ZNF804B: variants seen among roughly 807,000 people sequenced by gnomAD.
ZNF804B encodes zinc finger protein 804B, also known as zinc finger 804B.
A neutral mutation model predicts 101.4 loss-of-function variants in ZNF804B; 80 were observed. The ratio of observed to expected loss-of-function variants is 0.79; its 90% CI spans 0.66 to 0.95. ZNF804B has a LOEUF of 0.95. ZNF804B is among the 40% of genes least tolerant of loss of function. The pLI, the probability that ZNF804B is intolerant of heterozygous loss-of-function variation, is 0.00. For missense variants in ZNF804B, 1,673 were observed against 1,561.9 expected (o/e 1.07, Z -1.20); for synonymous variants, 622 against 558.8 (o/e 1.11, Z -1.59).
chr7:88,977,183 C>T (rs1267817920), intron 1 of ZNF804B, among the ~76,000 whole-genome samples: 2 of 145,744 alleles, frequency 1.4e-5, no homozygotes, highest in Non-Finnish European at 3.1e-5. Context: ...GGGATATTGG[C>T]CCATAAATTC....
At chr7:88,969,001 TTCTCTC>T (rs753008842) in intron 1 of ZNF804B, among the ~76,000 whole-genome samples, 2 of 151,596 alleles carry the variant, frequency 1.3e-5, no homozygotes, top group Non-Finnish European at 3.0e-5. Flanking sequence ...AGTAATTACT[TTCTCTC>T]TGTCAACTGA....
rs143904888 is a variant in ZNF804B at position 89,179,379 on chromosome 7, G to C, written c.109-38776G>C. On this transcript the variant is annotated intron_variant, in intron 1 of 3. Transcript: ENST00000333190. ...TTTTGTCTCCTCCGACTGTCTTTAA[G>C]CTCACTATTTCTTTCTTCTGTTAAA... 6.3e-3 allele frequency among the ~76,000 whole-genome samples: 957 copies of C among 151,574 alleles called. 18 individuals carry two copies. In the East Asian group the frequency reaches 0.084, roughly 13 times the overall value.
chr7:88,821,124 A>G (rs576807806), intron 1 of ZNF804B, among the ~76,000 whole-genome samples: 2 of 152,300 alleles, frequency 1.3e-5, no homozygotes, highest in East Asian at 3.9e-4. Context: ...CTTAAAATAT[A>G]CAAACATATC....
At chr7:89,105,853 G>C (rs1035520357) in intron 1 of ZNF804B, among the ~76,000 whole-genome samples, 2 of 152,104 alleles carry the variant, frequency 1.3e-5, no homozygotes, top group Non-Finnish European at 2.9e-5. Flanking sequence ...GGGTTCCCAT[G>C]ACCCCTTTGT....
chr7:89,266,199 G>C (rs1441150912), intron 2 of ZNF804B, among the ~76,000 whole-genome samples: 1 of 152,088 alleles, frequency 6.6e-6, no homozygotes, highest in Non-Finnish European at 1.5e-5. Context: ...CACCAGAACA[G>C]CTGCCCTAAC....
At chr7:89,022,981 T>A (rs1199553471) in intron 1 of ZNF804B, among the ~76,000 whole-genome samples, 1 of 152,188 alleles carries the variant, frequency 6.6e-6, no homozygotes, top group Non-Finnish European at 1.5e-5. Context: ...TTTCACAGGA[T>A]TTTGTCATTA....
intron 2 of ZNF804B, among the ~76,000 whole-genome samples, chr7:89,236,316 C>T (rs964589543): frequency 3.3e-5 from 5 of 151,924 alleles, no homozygotes; most frequent in East Asian, 1.9e-4. Context: ...ATTCCTAGAG[C>T]GGTGAGGTGA....
intron 1 of ZNF804B, among the ~76,000 whole-genome samples, chr7:89,194,899 T>A (rs549383198): frequency 1.3e-5 from 2 of 152,124 alleles, no homozygotes; most frequent in Non-Finnish European, 2.9e-5. Context: ...TAAATTACCT[T>A]GGGCAGTATG....
At chr7:88,783,319 G>A (rs1485346566) in intron 1 of ZNF804B, among the ~76,000 whole-genome samples, 4 of 152,240 alleles carry the variant, frequency 2.6e-5, no homozygotes, top group Non-Finnish European at 5.9e-5. Flanking sequence ...CAGTAGAAGT[G>A]TAGTCCTGAT....
intron 1 of ZNF804B, among the ~76,000 whole-genome samples, chr7:89,170,096 T>C (rs998131278): frequency 2.0e-5 from 3 of 152,158 alleles, no homozygotes; most frequent in Non-Finnish European, 2.9e-5. Flanking sequence ...TGTGGAATAG[T>C]TATTTAGAAG....
intron 1 of ZNF804B, among the ~76,000 whole-genome samples, chr7:88,779,213 C>T (rs1452130400): frequency 6.6e-6 from 1 of 152,088 alleles, no homozygotes; most frequent in Non-Finnish European, 1.5e-5. Context: ...GATTTTAGGC[C>T]CCCACACTAG....
chr7:89,156,004 T>TTTCG (rs1330249022), intron 1 of ZNF804B, among the ~76,000 whole-genome samples: 1 of 127,086 alleles, frequency 7.9e-6, no homozygotes, highest in Non-Finnish European at 1.8e-5. Flanking sequence ...TCTTTCTTTC[T>TTTCG]TTCTTTCTCT....
At chr7:89,267,951 C>G (rs1789825725) in intron 2 of ZNF804B, among the ~76,000 whole-genome samples, 1 of 151,998 alleles carries the variant, frequency 6.6e-6, no homozygotes, top group Non-Finnish European at 1.5e-5. Flanking sequence ...ATGAAATTCA[C>G]TGTCTTCAAT....
intron 2 of ZNF804B, among the ~76,000 whole-genome samples, chr7:89,227,467 G>A (rs1789111442): frequency 6.6e-6 from 1 of 152,018 alleles, no homozygotes; most frequent in African/African-American, 2.4e-5. Context: ...CCATCCTCAT[G>A]GAGCTAACAT....
intron 1 of ZNF804B, among the ~76,000 whole-genome samples, chr7:88,797,528 A>G (rs1366608035): frequency 6.6e-6 from 1 of 152,166 alleles, no homozygotes; most frequent in Admixed American, 6.6e-5. Flanking sequence ...ATTTCCAGTC[A>G]TGGATTAAAC....
chr7:88,866,566 A>G (rs1000249941), intron 1 of ZNF804B, among the ~76,000 whole-genome samples: 2 of 152,268 alleles, frequency 1.3e-5, no homozygotes, highest in Admixed American at 1.3e-4. Flanking sequence ...ACAAAACAAA[A>G]CAAAACAAAC....
rs1791038811 is a variant in ZNF804B, at chr7:89,334,387, C to T, written c.1405C>T (p.Pro469Ser). ...ACTTCTGCTCTTTACAAAAACAGAA[C>T]CCTGTATCTCTTATGGCTGCAACCC... ...TELLLFTKTE[P>S]CISYGCNPLY... Residue 469 changes from proline to serine, a missense_variant, in exon 4 of 4, where the codon CCC (proline) becomes TCC (serine). Coordinates refer to ENST00000333190, the MANE Select transcript of ZNF804B (RefSeq NM_181646.5). The T allele has an allele frequency of 1.2e-6, 2 of 1,613,726 alleles. No individual in the cohort carries two copies. Among genetic ancestry groups the T allele is most frequent in the Non-Finnish European group, 8.5e-7 (1 of 1,179,846 alleles).
rs903755198 is a variant in ZNF804B, at chr7:89,336,182, A to T, written c.3200A>T (p.Asp1067Val). 1 of 1,613,884 alleles carries T rather than the reference A, an allele frequency of 6.2e-7. No individual in the cohort carries two copies. Among genetic ancestry groups the T allele is most frequent in the Non-Finnish European group, 8.5e-7 (1 of 1,179,966 alleles). ...ATCCAACCTTTTATTCAAAGCTGTG[A>T]CCCAGTACCAAATGAATTCCCTGGT... ...SEIQPFIQSCDPVPNEFPGAF... is the reference protein window; with the variant it reads ...SEIQPFIQSCVPVPNEFPGAF... The change falls in exon 4 of 4, where the codon GAC becomes GTC. Residue 1067 changes from aspartate (D) to valine (V), a missense_variant. Asp to Val is a radical substitution (Grantham distance 152). Coordinates refer to ENST00000333190, the MANE Select transcript of ZNF804B (RefSeq NM_181646.5).
intron 1 of ZNF804B, among the ~76,000 whole-genome samples, chr7:89,198,704 AG>A: frequency 6.6e-6 from 1 of 151,994 alleles, no homozygotes; most frequent in Non-Finnish European, 1.5e-5. Context: ...TTTATAAAGT[AG>A]TAAGAATACA....
Sources: gnomAD v4.1 joint callset for allele counts (sites outside exome capture counted in the v4.1 genomes callset) on GRCh38, gnomAD v4.1.1 for gene constraint, MANE v1.5 for transcripts, NCBI Gene and HGNC (gene_info 2026-07-23, HGNC 2026-07-21) for gene names.